TENM2: variants seen among roughly 807,000 people sequenced by gnomAD.
The protein encoded by TENM2 is teneurin-2.
TENM2 carries 52 observed loss-of-function variants against 245.2 expected under a neutral mutation model. The ratio of observed to expected loss-of-function variants is 0.21; its 90% CI spans 0.17 to 0.27. TENM2 has a LOEUF of 0.27. TENM2 is among the 10% of genes least tolerant of loss of function. The pLI is 1.00. For synonymous variants in TENM2, 1,363 were observed against 1,438.9 expected (o/e 0.95, Z 1.19); for missense variants, 3,046 against 3,666.8 (o/e 0.83, Z 4.37).
At chr5:167,728,487 A>C (rs943130613) in intron 2 of TENM2, among the ~76,000 whole-genome samples, 2 of 128,196 alleles carry the variant, frequency 1.6e-5, no homozygotes, top group African/African-American at 6.9e-5. Context: ...GTGCGTGCCT[A>C]TGGTCCCAAC....
intron 12 of TENM2, 148 bp downstream of exon 14, chr5:168,127,114 GT>G (rs1337385859): frequency 1.5e-5 from 11 of 710,140 alleles, no homozygotes; most frequent in Non-Finnish European, 2.6e-5. Context: ...GAAAAATGAG[GT>G]CCCTAATTGG....
chr5:167,349,561 T>A (rs1423887362), intron 1 of TENM2, among the ~76,000 whole-genome samples: 1 of 152,126 alleles, frequency 6.6e-6, no homozygotes, highest in African/African-American at 2.4e-5. Flanking sequence ...ACATAGTAAT[T>A]CTCTTTTCTT....
chr5:168,160,851 C>A (rs988533539), intron 12 of TENM2, among the ~76,000 whole-genome samples: 1 of 151,984 alleles, frequency 6.6e-6, no homozygotes, highest in African/African-American at 2.4e-5. Flanking sequence ...CATAGCAAGA[C>A]CCAATCTCTA....
chr5:167,381,184 G>T (rs1331442340), intron 2 of TENM2, among the ~76,000 whole-genome samples: 1 of 152,140 alleles, frequency 6.6e-6, no homozygotes, highest in African/African-American at 2.4e-5. Context: ...ATTAATAATA[G>T]ATTTGTAAAT....
At chr5:167,252,440 C>T in the TENM2 span, among the ~76,000 whole-genome samples, 9 of 152,002 alleles carry the variant, frequency 5.9e-5, no homozygotes, top group Non-Finnish European at 1.3e-4. Flanking sequence ...TTTCCTTTCG[C>T]GTTGTCATTT....
At chr5:167,534,555 G>C (rs1166236423) in intron 2 of TENM2, among the ~76,000 whole-genome samples, 1 of 152,158 alleles carries the variant, frequency 6.6e-6, no homozygotes, top group Non-Finnish European at 1.5e-5. Context: ...ATTTAACTGG[G>C]TGTCCTATAT....
intron 3 of TENM2, among the ~76,000 whole-genome samples, chr5:167,877,134 G>T (rs1385854072): frequency 6.6e-6 from 1 of 152,170 alleles, no homozygotes; most frequent in African/African-American, 2.4e-5. Context: ...GAACTGGTCA[G>T]TCATGAGGTT....
chr5:168,149,601 T>G (rs111548288), intron 12 of TENM2, among the ~76,000 whole-genome samples: 314 of 152,296 alleles, frequency 2.1e-3, no homozygotes, highest in Non-Finnish European at 2.8e-3. Flanking sequence ...CACCCTGGCT[T>G]ACCCAGATGG....
At chr5:167,976,000 T>A (rs1782413122) in intron 4 of TENM2, among the ~76,000 whole-genome samples, 1 of 152,220 alleles carries the variant, frequency 6.6e-6, no homozygotes, top group South Asian at 2.1e-4. Flanking sequence ...TTTGATGACT[T>A]AAGAATTGTC....
intron 1 of TENM2, among the ~76,000 whole-genome samples, chr5:167,346,009 G>A (rs1758434050): frequency 6.6e-6 from 1 of 151,924 alleles, no homozygotes; most frequent in South Asian, 2.1e-4. Context: ...ACGACCTAAG[G>A]AAACGTGTAA....
chr5:167,927,702 G>T (rs1199530696), intron 3 of TENM2, among the ~76,000 whole-genome samples: 1 of 152,192 alleles, frequency 6.6e-6, no homozygotes, highest in African/African-American at 2.4e-5. Context: ...TAGGAAGGCT[G>T]CTCTGGCTTG....
chr5:167,363,775 A>G (rs1759866604), intron 1 of TENM2, among the ~76,000 whole-genome samples: 1 of 151,560 alleles, frequency 6.6e-6, no homozygotes, highest in Non-Finnish European at 1.5e-5. Flanking sequence ...GAGAAAAAGG[A>G]AACAAACCTT....
the TENM2 span, among the ~76,000 whole-genome samples, chr5:167,145,244 A>G: frequency 5.3e-5 from 8 of 152,220 alleles, no homozygotes; most frequent in African/African-American, 9.6e-5. Context: ...TTGGGAGGCT[A>G]TTACTCAATC....
intron 2 of TENM2, chr5:167,729,079 T>C (rs1270121253): frequency 1.3e-5 from 2 of 152,210 alleles, no homozygotes; most frequent in African/African-American, 4.8e-5. Flanking sequence ...CAACACATCC[T>C]GTTGGCCAGC....
At chr5:167,952,032 A>G (rs1780153167) in intron 3 of TENM2, among the ~76,000 whole-genome samples, 1 of 152,200 alleles carries the variant, frequency 6.6e-6, no homozygotes, top group Non-Finnish European at 1.5e-5. Context: ...CCACGTGATC[A>G]AATTGACCTG....
chr5:167,100,928 G>A, the TENM2 span, among the ~76,000 whole-genome samples: 2 of 152,200 alleles, frequency 1.3e-5, no homozygotes, highest in African/African-American at 2.4e-5. Flanking sequence ...TAAAAAGGCA[G>A]TAATTGCAGT....
chr5:167,102,719 C>T, the TENM2 span, among the ~76,000 whole-genome samples: 4 of 152,320 alleles, frequency 2.6e-5, no homozygotes, highest in East Asian at 1.9e-4. Context: ...AGCGCAGTGG[C>T]GCAGTCTCAG....
intron 2 of TENM2, among the ~76,000 whole-genome samples, chr5:167,857,156 A>C (rs1467491937): frequency 6.6e-6 from 1 of 152,190 alleles, no homozygotes; most frequent in Non-Finnish European, 1.5e-5. Context: ...GCACATGCCA[A>C]AGAAGCCATG....
chr5:167,970,607 A>C (rs1009273738), intron 4 of TENM2, among the ~76,000 whole-genome samples: 1 of 152,158 alleles, frequency 6.6e-6, no homozygotes, highest in Non-Finnish European at 1.5e-5. Context: ...TCAAGCTCCT[A>C]ATATTCTCAG....
Sources: allele counts gnomAD v4.1 joint callset (sites outside exome capture counted in the v4.1 genomes callset), GRCh38; gene constraint gnomAD v4.1.1; transcripts MANE v1.5; gene names NCBI Gene and HGNC (gene_info 2026-07-23, HGNC 2026-07-21).